Variants in TENM3 observed in about 807,000 individuals in gnomAD.
TENM3 encodes teneurin-3.
In TENM3, 63 loss-of-function variants were observed where a neutral mutation model predicts 255.1. That is an observed-to-expected ratio of 0.25 (90% CI 0.20 to 0.30). TENM3 has a LOEUF of 0.30. Ranked by LOEUF, TENM3 falls within the 10% of genes least tolerant of loss-of-function variation. The probability of loss-of-function intolerance (pLI) is 1.00; values close to 1 mark genes in which losing one functional copy is unlikely to be tolerated. For missense variants in TENM3, 2,929 were observed against 3,461.1 expected (o/e 0.85, Z 3.86); for synonymous variants, 1,306 against 1,322.3 (o/e 0.99, Z 0.27).
chr4:181,924,705 C>A, the TENM3 span, among the ~76,000 whole-genome samples: 364 of 152,172 alleles, frequency 2.4e-3, 16 homozygotes, highest in East Asian at 0.061. Flanking sequence ...TCATTTGAAC[C>A]TCCCAACTCT....
chr4:181,487,206 G>A, the TENM3 span, among the ~76,000 whole-genome samples: 1 of 152,152 alleles, frequency 6.6e-6, no homozygotes, highest in Admixed American at 6.5e-5. Flanking sequence ...AAGTGTGACG[G>A]ATCCAACACG....
At position 182,789,449 on chromosome 4, in the gene TENM3, A is replaced by G. The variant is rs1765933690; in HGVS notation, c.5601+60A>G. Reference sequence around the variant, plus strand: ...GGATAATTCACATTTTTCAGCAATCATCCAGAGCACTAAGGGGAAAAAAAA... The same window carrying G: ...GGATAATTCACATTTTTCAGCAATCGTCCAGAGCACTAAGGGGAAAAAAAA... On this transcript the variant is annotated intron_variant, in intron 25 of 27. Coordinates refer to ENST00000511685, the MANE Select transcript of TENM3 (RefSeq NM_001080477.4). This position sits in a 1 kb window ranked among gnomAD's most constrained non-coding sequence, Gnocchi z 4.4. The G allele has an allele frequency of 1.1e-5, 16 of 1,496,392 alleles. No individual in the cohort carries two copies. The South Asian group carries it at 2.1e-4, about 19-fold the overall frequency. 92.7% of individuals were successfully genotyped at this position (1,496,392 alleles called of 1,614,324 possible).
intron 1 of TENM3, among the ~76,000 whole-genome samples, chr4:182,303,414 G>C (rs1200192673): frequency 1.3e-5 from 2 of 152,130 alleles, no homozygotes; most frequent in Non-Finnish European, 2.9e-5. Flanking sequence ...TGACATAAGA[G>C]TCATATTTCT....
intron 12 of TENM3, among the ~76,000 whole-genome samples, chr4:182,713,013 A>G (rs1198090861): frequency 6.6e-6 from 1 of 152,224 alleles, no homozygotes; most frequent in Non-Finnish European, 1.5e-5. Context: ...TAAACAGATC[A>G]CATTGGCTGC....
chr4:182,214,139 G>A (rs1755274568), intron 1 of TENM3, among the ~76,000 whole-genome samples: 1 of 152,136 alleles, frequency 6.6e-6, no homozygotes, highest in African/African-American at 2.4e-5. Context: ...AAAGAAGTAT[G>A]TGCAGTTTAG....
the TENM3 span, among the ~76,000 whole-genome samples, chr4:181,591,314 G>C: frequency 6.6e-6 from 1 of 152,048 alleles, no homozygotes; most frequent in African/African-American, 2.4e-5. Context: ...AAGATAGTTT[G>C]GAAGTTTATT....
At chr4:181,721,353 T>G in the TENM3 span, among the ~76,000 whole-genome samples, 2 of 151,454 alleles carry the variant, frequency 1.3e-5, no homozygotes, top group African/African-American at 4.9e-5. Flanking sequence ...TGATCAAATT[T>G]ACATGATGGA....
At chr4:182,248,355 C>T (rs1174021813) in intron 1 of TENM3, among the ~76,000 whole-genome samples, 2 of 152,088 alleles carry the variant, frequency 1.3e-5, no homozygotes, top group Non-Finnish European at 2.9e-5. Context: ...ATTCTTAGAC[C>T]ATTTTCATCA....
chr4:182,243,946 CTTTTT>C (rs967487689), intron 1 of TENM3, among the ~76,000 whole-genome samples: 3 of 72,914 alleles, frequency 4.1e-5, no homozygotes, highest in Admixed American at 3.8e-4. Flanking sequence ...TTTGTGTTTT[CTTTTT>C]TTTTTTTTTT....
chr4:181,998,806 T>G, the TENM3 span, among the ~76,000 whole-genome samples: 1 of 152,140 alleles, frequency 6.6e-6, no homozygotes. Flanking sequence ...CCTAGAGGTA[T>G]CCTGAAGCAG....
intron 3 of TENM3, among the ~76,000 whole-genome samples, chr4:182,533,318 G>A (rs1243345615): frequency 6.6e-6 from 1 of 152,026 alleles, no homozygotes; most frequent in African/African-American, 2.4e-5. Context: ...TTGAGAGGCT[G>A]AGGTGGGAGG....
the TENM3 span, among the ~76,000 whole-genome samples, chr4:181,460,748 A>G: frequency 2.0e-5 from 3 of 150,686 alleles, no homozygotes; most frequent in South Asian, 2.1e-4. Flanking sequence ...ACTCAGTAAC[A>G]TATACCACTT....
At chr4:182,243,961 T>TC (rs1201447524) in intron 1 of TENM3, among the ~76,000 whole-genome samples, 8 of 141,208 alleles carry the variant, frequency 5.7e-5, no homozygotes, top group Admixed American at 4.9e-4. Flanking sequence ...TTTTTTTTTT[T>TC]TTTTTTTTTT....
At chr4:181,458,512 G>C in the TENM3 span, among the ~76,000 whole-genome samples, 1 of 151,872 alleles carries the variant, frequency 6.6e-6, no homozygotes, top group African/African-American at 2.4e-5. Flanking sequence ...AGATGCGTGC[G>C]TAGTAGCTAC....
the TENM3 span, among the ~76,000 whole-genome samples, chr4:182,028,092 T>A: frequency 6.6e-6 from 1 of 152,166 alleles, no homozygotes; most frequent in South Asian, 2.1e-4. Flanking sequence ...GTGAAGCTAT[T>A]GGGTCCTAGG....
the TENM3 span, among the ~76,000 whole-genome samples, chr4:182,076,423 C>T: frequency 6.6e-6 from 1 of 151,976 alleles, no homozygotes; most frequent in Non-Finnish European, 1.5e-5. Context: ...AGGACGGTCT[C>T]GATCACTTGA....
chr4:181,626,004 C>G, the TENM3 span, among the ~76,000 whole-genome samples: 4 of 152,222 alleles, frequency 2.6e-5, no homozygotes, highest in South Asian at 8.3e-4. Context: ...AATAACCAAT[C>G]TCATAGAAAT....
the TENM3 span, among the ~76,000 whole-genome samples, chr4:181,489,616 G>A: frequency 3.7e-4 from 57 of 152,162 alleles, no homozygotes; most frequent in African/African-American, 1.3e-3. Context: ...ACCCTATTTC[G>A]TATAATAGGA....
At chr4:182,415,379 G>T (rs184146989) in intron 3 of TENM3, among the ~76,000 whole-genome samples, 1 of 152,270 alleles carries the variant, frequency 6.6e-6, no homozygotes. Context: ...AATATGTAAT[G>T]TTATGACCAA....
Sources: allele counts gnomAD v4.1 joint callset (sites outside exome capture counted in the v4.1 genomes callset), GRCh38; gene constraint gnomAD v4.1.1; non-coding constraint Gnocchi (gnomAD v3.1); transcripts MANE v1.5; gene names NCBI Gene and HGNC (gene_info 2026-07-23, HGNC 2026-07-21).